The following CDH18 variants were observed in gnomAD, a reference collection of about 807,000 sequenced individuals.
CDH18 encodes cadherin 18.
CDH18 carries 31 observed loss-of-function variants against 67.9 expected under a neutral mutation model. The observed-to-expected ratio is 0.46, with a 90% CI of 0.34 to 0.62. The LOEUF (loss-of-function observed/expected upper bound fraction) is 0.62. CDH18 is among the 20% of genes least tolerant of loss of function. The probability of loss-of-function intolerance (pLI) is 0.01; values close to 1 mark genes in which losing one functional copy is unlikely to be tolerated. For synonymous variants in CDH18, 362 were observed against 347.2 expected (o/e 1.04, Z -0.48); for missense variants, 890 against 975.5 (o/e 0.91, Z 1.17).
In CDH18 at chr5:20,524,603, T is replaced by C. The variant is rs191245797; in HGVS notation, c.-580+50859A>G. Among the ~76,000 whole-genome samples the C allele has an allele frequency of 1.6e-4, 25 of 152,328 alleles. 1 individual carries two copies. The highest frequency in any genetic ancestry group is 1.4e-3 in the Admixed American group (21 of 15,288). On this transcript the variant is annotated intron_variant, in intron 1 of 14. Coordinates refer to the CDH18 transcript ENST00000507958. ...TTTTATATATGTAGGTATATGTACA[T>C]ATCAATATATCTGCATTTAGGAGGC...
At chr5:20,469,910 A>G (rs966247172) in intron 1 of CDH18, among the ~76,000 whole-genome samples, 1 of 152,106 alleles carries the variant, frequency 6.6e-6, no homozygotes, top group Non-Finnish European at 1.5e-5. Flanking sequence ...TCCTAACCAC[A>G]TTTTGGCCTC....
At chr5:20,045,332 G>A (rs1740806493) in intron 2 of CDH18, among the ~76,000 whole-genome samples, 1 of 152,112 alleles carries the variant, frequency 6.6e-6, no homozygotes, top group Non-Finnish European at 1.5e-5. Flanking sequence ...TTCAAGTTAT[G>A]CCACATCAGT....
chr5:19,871,425 C>T (rs996739178), intron 2 of CDH18, among the ~76,000 whole-genome samples: 2 of 152,010 alleles, frequency 1.3e-5, no homozygotes, highest in East Asian at 3.9e-4. Flanking sequence ...ATTCAAGACC[C>T]CTTTGATTTC....
At chr5:20,394,616 C>T (rs557489034) in intron 1 of CDH18, among the ~76,000 whole-genome samples, 34 of 152,026 alleles carry the variant, frequency 2.2e-4, no homozygotes, top group Middle Eastern at 3.4e-3. Context: ...TTCTGCATAG[C>T]GGAGAAATAG....
intron 2 of CDH18, among the ~76,000 whole-genome samples, chr5:19,902,320 A>G (rs999635059): frequency 2.0e-5 from 3 of 152,096 alleles, no homozygotes; most frequent in African/African-American, 7.2e-5. Context: ...ACGGATGGCA[A>G]ATCACTTCTG....
chr5:19,947,484 T>C (rs891163353), intron 2 of CDH18, among the ~76,000 whole-genome samples: 20 of 146,404 alleles, frequency 1.4e-4, no homozygotes, highest in Non-Finnish European at 2.2e-4. Context: ...CTTACACCTA[T>C]AATCTGAAAA....
chr5:20,243,941 A>G (rs957179872), intron 2 of CDH18, among the ~76,000 whole-genome samples: 7 of 152,090 alleles, frequency 4.6e-5, no homozygotes, highest in South Asian at 2.1e-4. Flanking sequence ...CACCCAGCTC[A>G]TAAGAGTCAA....
At chr5:20,175,050 A>G (rs988650621) in intron 2 of CDH18, among the ~76,000 whole-genome samples, 3 of 152,130 alleles carry the variant, frequency 2.0e-5, no homozygotes, top group Admixed American at 6.6e-5. Flanking sequence ...TCTGTTCAAG[A>G]TATATAAGAA....
chr5:20,538,181 GC>G (rs1756836130), intron 1 of CDH18, among the ~76,000 whole-genome samples: 1 of 152,074 alleles, frequency 6.6e-6, no homozygotes, highest in Non-Finnish European at 1.5e-5. Context: ...TAAGAAATGG[GC>G]AGAAAGTCAA....
chr5:20,157,745 T>C (rs563994141), intron 2 of CDH18, among the ~76,000 whole-genome samples: 2 of 151,800 alleles, frequency 1.3e-5, no homozygotes, highest in African/African-American at 4.8e-5. Flanking sequence ...TGGATTCAAG[T>C]GATTCTCCTG....
chr5:19,566,000 T>C (rs964372226), intron 8 of CDH18, among the ~76,000 whole-genome samples: 9 of 152,076 alleles, frequency 5.9e-5, no homozygotes, highest in East Asian at 1.9e-4. Flanking sequence ...CGGAATATAA[T>C]TGAAGCTCAA....
chr5:19,679,116 T>C (rs1265458689), intron 5 of CDH18, among the ~76,000 whole-genome samples: 4 of 151,982 alleles, frequency 2.6e-5, no homozygotes, highest in Non-Finnish European at 5.9e-5. Flanking sequence ...AAGTAGGCTT[T>C]ACCTCTGGAA....
At chr5:19,531,177 A>C (rs1748560865) in intron 9 of CDH18, among the ~76,000 whole-genome samples, 1 of 152,216 alleles carries the variant, frequency 6.6e-6, no homozygotes, top group African/African-American at 2.4e-5. Flanking sequence ...GAAAATGAAA[A>C]GATAAGACAC....
At chr5:20,412,815 T>C (rs954928597) in intron 1 of CDH18, among the ~76,000 whole-genome samples, 5 of 152,118 alleles carry the variant, frequency 3.3e-5, no homozygotes, top group Non-Finnish European at 7.4e-5. Context: ...TGGCTATTAT[T>C]CTTTTTTTAA....
chr5:20,057,583 T>G (rs1015490983), intron 2 of CDH18, among the ~76,000 whole-genome samples: 31 of 152,234 alleles, frequency 2.0e-4, no homozygotes, highest in African/African-American at 7.2e-4. Flanking sequence ...ATTTAGCTTC[T>G]CTGCTTCATC....
intron 10 of CDH18, among the ~76,000 whole-genome samples, chr5:19,519,446 T>G (rs1746547992): frequency 6.6e-6 from 1 of 152,088 alleles, no homozygotes; most frequent in Non-Finnish European, 1.5e-5. Flanking sequence ...CTAAAGACAA[T>G]AATAGAGTAC....
intron 2 of CDH18, among the ~76,000 whole-genome samples, chr5:19,884,177 T>C (rs1787955039): frequency 6.6e-6 from 1 of 152,110 alleles, no homozygotes. Flanking sequence ...AGCCCCATGT[T>C]CTACTAAAAA....
intron 10 of CDH18, among the ~76,000 whole-genome samples, chr5:19,509,627 A>G (rs1579903185): frequency 6.6e-6 from 1 of 152,272 alleles, no homozygotes; most frequent in East Asian, 1.9e-4. Context: ...TATATGGTTA[A>G]TAATTGTATG....
intron 1 of CDH18, among the ~76,000 whole-genome samples, chr5:20,340,190 G>A (rs1369743071): frequency 6.6e-6 from 1 of 152,106 alleles, no homozygotes; most frequent in Admixed American, 6.6e-5. Context: ...ACACCTCCCT[G>A]TTTCTCAATT....
Sources: allele counts gnomAD v4.1 joint callset (sites outside exome capture counted in the v4.1 genomes callset), GRCh38; gene constraint gnomAD v4.1.1; transcripts MANE v1.5; gene names NCBI Gene and HGNC (gene_info 2026-07-23, HGNC 2026-07-21).